DLC1: variants seen among roughly 807,000 people sequenced by gnomAD.
DLC1 encodes DLC1 Rho GTPase activating protein.
Under a neutral mutation model 140.3 loss-of-function variants are expected in DLC1, and 54 were observed. The observed-to-expected ratio is 0.38, with a 90% confidence interval of 0.31 to 0.48. DLC1 has a LOEUF of 0.48. DLC1 is among the 20% of genes least tolerant of loss of function. The probability of loss-of-function intolerance (pLI) is 0.96; values close to 1 mark genes in which losing one functional copy is unlikely to be tolerated. For missense variants in DLC1, 2,536 were observed against 1,907.0 expected (o/e 1.33, Z -6.14); for synonymous variants, 986 against 728.1 (o/e 1.35, Z -5.70).
intron 4 of DLC1, chr8:13,342,171 A>G (rs1834091031): frequency 6.6e-6 from 1 of 152,230 alleles, no homozygotes; most frequent in South Asian, 2.1e-4. Context: ...TCCTCTGTGT[A>G]ATAAATATGA....
At chr8:13,327,219 C>A (rs551615357) in intron 4 of DLC1, among the ~76,000 whole-genome samples, 71 of 150,322 alleles carry the variant, frequency 4.7e-4, no homozygotes, top group African/African-American at 1.7e-3. Flanking sequence ...ATGATCCGCC[C>A]GCCTTGGCCT....
At chr8:13,167,704 G>T (rs145002794) in intron 5 of DLC1, among the ~76,000 whole-genome samples, 80 of 152,276 alleles carry the variant, frequency 5.3e-4, no homozygotes, top group African/African-American at 1.9e-3. Flanking sequence ...ATTCTCATTG[G>T]ATCAGTCACT....
At chr8:13,301,190 C>A (rs181578240) in intron 5 of DLC1, among the ~76,000 whole-genome samples, 1 of 151,582 alleles carries the variant, frequency 6.6e-6, no homozygotes, top group East Asian at 1.9e-4. Flanking sequence ...TCAAATGTTA[C>A]CTGTTTCCAA....
At chr8:13,353,036 C>T (rs1276489493) in intron 4 of DLC1, among the ~76,000 whole-genome samples, 1 of 152,136 alleles carries the variant, frequency 6.6e-6, no homozygotes, top group East Asian at 1.9e-4. Context: ...TTTTAAAATA[C>T]CATATATATA....
chr8:13,440,225 G>T (rs928468149), intron 2 of DLC1, among the ~76,000 whole-genome samples: 2 of 152,098 alleles, frequency 1.3e-5, no homozygotes, highest in Admixed American at 1.3e-4. Flanking sequence ...TAGAAATAGG[G>T]TTCTATGAAA....
chr8:13,105,594 T>TC (rs1338249418), intron 7 of DLC1, among the ~76,000 whole-genome samples: 1 of 145,958 alleles, frequency 6.9e-6, no homozygotes, highest in East Asian at 2.0e-4. Flanking sequence ...TTTTTCTTCT[T>TC]TTTTTTTTTT....
At chr8:13,270,477 T>C (rs922107900) in intron 5 of DLC1, among the ~76,000 whole-genome samples, 3 of 152,220 alleles carry the variant, frequency 2.0e-5, no homozygotes, top group Non-Finnish European at 4.4e-5. Flanking sequence ...TTTTCCATGT[T>C]TGGCTCCATC....
At chr8:13,585,457 C>T (rs1420717446) in intron 1 of DLC1, among the ~76,000 whole-genome samples, 1 of 152,094 alleles carries the variant, frequency 6.6e-6, no homozygotes, top group Non-Finnish European at 1.5e-5. Context: ...GGCTATAGAA[C>T]AAACCACAGG....
At chr8:13,328,653 G>C (rs1833467303) in intron 4 of DLC1, among the ~76,000 whole-genome samples, 1 of 152,096 alleles carries the variant, frequency 6.6e-6, no homozygotes, top group Admixed American at 6.6e-5. Flanking sequence ...TCTGAAGCTG[G>C]GGAGATGAGG....
chr8:13,393,031 T>C (rs1836835385), intron 4 of DLC1, among the ~76,000 whole-genome samples: 1 of 152,174 alleles, frequency 6.6e-6, no homozygotes. Context: ...TCTATGTCTG[T>C]CTATATCAAT....
rs1835593423 is a variant in DLC1, at chr8:13,368,482, G to C, written c.1314+25071C>G. Among the ~76,000 whole-genome samples the C allele has an allele frequency of 2.0e-5, 3 of 151,838 alleles. No individual in the cohort carries two copies. The South Asian group carries it at 6.2e-4, about 31-fold the overall frequency. ...TCATGAAGGACTTGAGGTTGCTACA[G>C]TGAGATATTACCCAAGGGAAAACGC... On this transcript the variant is annotated intron_variant, in intron 4 of 17. Transcript: ENST00000276297.
chr8:13,307,680 G>A (rs1474528950), intron 4 of DLC1, among the ~76,000 whole-genome samples: 1 of 152,196 alleles, frequency 6.6e-6, no homozygotes, highest in Non-Finnish European at 1.5e-5. Flanking sequence ...CCTGGAGAAA[G>A]TTCCTCAGGA....
chr8:13,317,452 T>G (rs1832903770), intron 4 of DLC1, among the ~76,000 whole-genome samples: 1 of 152,162 alleles, frequency 6.6e-6, no homozygotes, highest in Admixed American at 6.6e-5. Flanking sequence ...TAACTAAACA[T>G]TTTACAAAAC....
chr8:13,544,183 C>G (rs955581852), intron 1 of DLC1, among the ~76,000 whole-genome samples: 2 of 139,732 alleles, frequency 1.4e-5, no homozygotes, highest in Non-Finnish European at 3.2e-5. Context: ...GTCATTCTCT[C>G]TTACACACAC....
chr8:13,277,620 A>G (rs1831223237), intron 5 of DLC1, among the ~76,000 whole-genome samples: 1 of 152,208 alleles, frequency 6.6e-6, no homozygotes, highest in Non-Finnish European at 1.5e-5. Context: ...AGTTTCTAAA[A>G]TGCCAAATAA....
At position 13,468,306 on chromosome 8, in the gene DLC1, T is replaced by C. The variant is rs139218071; in HGVS notation, c.1023+30743A>G. On this transcript the variant is annotated intron_variant, in intron 2 of 17. Coordinates refer to ENST00000276297, the MANE Select transcript of DLC1 (RefSeq NM_182643.3). ...TTCATCGGTAATAATAGTTCTTTTT[T>C]CCTTTCTTTTCTCTCTCTTTCCCTT... is the stretch of plus-strand genomic sequence containing the variant. Among the ~76,000 whole-genome samples the C allele has an allele frequency of 5.7e-3, 860 of 150,088 alleles. 10 individuals carry two copies. The highest frequency in any genetic ancestry group is 0.052 in the South Asian group (243 of 4,654).
chr8:13,170,333 T>G (rs1825374539), intron 5 of DLC1, among the ~76,000 whole-genome samples: 1 of 152,196 alleles, frequency 6.6e-6, no homozygotes, highest in Non-Finnish European at 1.5e-5. Flanking sequence ...GAAAATCCAT[T>G]AAACACTCTT....
chr8:13,547,255 C>G (rs1011214087), intron 1 of DLC1, among the ~76,000 whole-genome samples: 2 of 151,952 alleles, frequency 1.3e-5, no homozygotes, highest in African/African-American at 4.8e-5. Context: ...GTAATTATTA[C>G]TGAAAAATTA....
At chr8:13,351,542 C>T (rs559130141) in intron 4 of DLC1, among the ~76,000 whole-genome samples, 1 of 152,288 alleles carries the variant, frequency 6.6e-6, no homozygotes, top group East Asian at 1.9e-4. Flanking sequence ...TATTGTGACC[C>T]ATAAAAATCA....
Sources: allele counts gnomAD v4.1 joint callset (sites outside exome capture counted in the v4.1 genomes callset), GRCh38; gene constraint gnomAD v4.1.1; transcripts MANE v1.5; gene names NCBI Gene and HGNC (gene_info 2026-07-23, HGNC 2026-07-21).